The following ACIN1 variants were observed in gnomAD, a reference collection of about 807,000 sequenced individuals.
ACIN1 encodes apoptotic chromatin condensation inducer 1, also known as apoptotic chromatin condensation inducer in the nucleus.
Under a neutral mutation model 146.6 loss-of-function variants are expected in ACIN1, and 16 were observed. The observed-to-expected ratio is 0.11, with a 90% CI of 0.07 to 0.17. The LOEUF is 0.17. ACIN1 is among the 10% of genes least tolerant of loss of function. The pLI is 1.00. For synonymous variants in ACIN1, 569 were observed against 582.7 expected (o/e 0.98, Z 0.34); for missense variants, 1,357 against 1,609.3 (o/e 0.84, Z 2.68).
intron 16 of ACIN1, 92 bp from the exon 17 acceptor site, chr14:23,061,714 C>CT: frequency 8.3e-7 from 1 of 1,200,260 alleles, no homozygotes; most frequent in Non-Finnish European, 1.1e-6. Context: ...TGGCTCACGC[C>CT]TGTAATCCCA....
rs767190610 is a variant in ACIN1 at position 23,069,339 on chromosome 14, C to T, written c.2265+137G>A. The stretch of plus-strand genomic sequence containing the variant: ...GCTAAACCAGCGAATTCTCCCTTGG[C>T]CCTATTCTGATCCAAGTCCCTGCCT... On this transcript the variant is annotated intron_variant, in intron 9 of 18. Coordinates refer to ENST00000605057, the MANE Select transcript of ACIN1 (RefSeq NM_001386863.1). 311 of 1,446,322 alleles carry T rather than the reference C, an allele frequency of 2.2e-4. 1 individual carries two copies. Among genetic ancestry groups the T allele is most frequent in the Non-Finnish European group, 2.7e-4 (293 of 1,104,142 alleles). The allele number at this position is 1,446,322 out of a possible 1,614,324, so 89.6% of individuals were successfully genotyped here. A position where few individuals can be genotyped will look rare whatever the true frequency, so the allele number is the denominator to read the frequency against.
intron 7 of ACIN1, among the ~76,000 whole-genome samples, chr14:23,078,547 C>T (rs2047858997): frequency 6.6e-6 from 1 of 152,036 alleles, no homozygotes; most frequent in Non-Finnish European, 1.5e-5. Context: ...TTTGAGAGAA[C>T]TGAGAAAAGG....
At position 23,078,213 on chromosome 14, in the gene ACIN1, C is replaced by A. The variant is rs2047850159; in HGVS notation, c.2061G>T (p.Gln687His). ...AGGTCTGAGTCTCTGAGGTTTGGGG[C>A]TGTGTGGCAGCTGGTGGCTCTGCCT... is the stretch of plus-strand genomic sequence containing the variant. ...AEEAEPPAAT[Q>H]PQTSETQTSH... is the part of the protein sequence containing the mutation. The change falls in exon 8 of 19, where the codon CAG (glutamine) becomes CAT (histidine). Residue 687 changes from glutamine (Q) to histidine (H), a missense_variant. This residue lies in a region of ACIN1 where 771 missense variants were observed against 746.6 expected (regional missense o/e 1.03). Coordinates refer to ENST00000605057, the MANE Select transcript of ACIN1 (RefSeq NM_001386863.1). The A allele has an allele frequency of 6.2e-7, 1 of 1,614,196 alleles. No homozygotes were observed. The highest frequency in any genetic ancestry group is 8.5e-7 in the Non-Finnish European group (1 of 1,180,024).
At chr14:23,094,457 C>G (rs767673371) in intron 1 of ACIN1, 9 of 985,150 alleles carry the variant, frequency 9.1e-6, no homozygotes, top group Non-Finnish European at 9.6e-6. Context: ...TCTCTCTCAT[C>G]AAGTCCCTTC....
Position 23,059,038 on chromosome 14 carries a change from T to C in ACIN1, c.*110A>G. 1.0e-6 allele frequency: 1 copy of C among 983,840 alleles called. No individual in the cohort carries two copies. Among genetic ancestry groups the C allele is most frequent in the Non-Finnish European group, 1.5e-6 (1 of 648,010 alleles). The allele number at this position is 983,840 out of a possible 1,614,324, so 60.9% of individuals were successfully genotyped here. ...CATTTGGTATGTATGTAGGGATAGG[T>C]GATGTGAAAGACCCTTGGCTCCAGG... On this transcript the variant is annotated 3_prime_UTR_variant, in exon 19 of 19. Transcript: ENST00000605057.
chr14:23,094,813 C>A, intron 1 of ACIN1, 162 bp downstream of exon 1: 2 of 1,106,212 alleles, frequency 1.8e-6, no homozygotes, highest in South Asian at 3.2e-5. Flanking sequence ...ATCTCCATTC[C>A]AGCGCGAACC....
Position 23,068,474 on chromosome 14 carries a change from G to A in ACIN1, c.2265+1002C>T. On this transcript the variant is annotated intron_variant, in intron 9 of 18. Transcript: ENST00000605057. The surrounding 1 kb of genome is among the most constrained non-coding windows in gnomAD (Gnocchi z 4.3). ...TGTTCTTCTTGGCCCCCTGATGTAAGCAAGACAGGGAGGCAAAAGGGGGCC... is the reference window on the plus strand; with the variant it reads ...TGTTCTTCTTGGCCCCCTGATGTAAACAAGACAGGGAGGCAAAAGGGGGCC... 9 of 985,884 alleles carry A rather than the reference G, an allele frequency of 9.1e-6. No homozygotes were observed. The highest frequency in any genetic ancestry group is 1.1e-5 in the Non-Finnish European group (9 of 829,954). The allele number at this position is 985,884 out of a possible 1,614,324, so 61.1% of individuals were successfully genotyped here.
chr14:23,071,205 C>G, intron 8 of ACIN1: 1 of 1,513,986 alleles, frequency 6.6e-7, no homozygotes, highest in Non-Finnish European at 8.8e-7. Flanking sequence ...GAAGAAATAA[C>G]AAAAACCAAA....
chr14:23,080,143 T>G lies in ACIN1; in HGVS notation c.1192A>C (p.Asn398His). The change falls in exon 6 of 19, where the codon AAT becomes CAT. Residue 398 changes from asparagine to histidine, a missense_variant. Around this residue, in one of 4 missense-constraint regions of ACIN1, gnomAD observed 771 missense variants for 746.6 expected, o/e 1.03. Coordinates refer to ENST00000605057, the MANE Select transcript of ACIN1 (RefSeq NM_001386863.1). Reference protein sequence around the residue: ...PAVLIQLSPPNTDADTRELLV... With the variant: ...PAVLIQLSPPHTDADTRELLV... ...AGCTCCCTGGTGTCAGCATCTGTAT[T>G]AGGAGGAGATAACTGAATGAGGACA... 1 of 1,614,132 alleles carries G rather than the reference T, an allele frequency of 6.2e-7. No individual in the cohort carries two copies. Among genetic ancestry groups the G allele is most frequent in the South Asian group, 1.1e-5 (1 of 91,080 alleles).
chr14:23,068,487 G>A lies in ACIN1; in HGVS notation c.2265+989C>T. On this transcript the variant is annotated intron_variant, in intron 9 of 18. Transcript: ENST00000605057. This position sits in a 1 kb window ranked among gnomAD's most constrained non-coding sequence, Gnocchi z 4.3. Reference sequence around the variant, plus strand: ...CCCCTGATGTAAGCAAGACAGGGAGGCAAAAGGGGGCCCATCACAGGAGCC... The same window carrying A: ...CCCCTGATGTAAGCAAGACAGGGAGACAAAAGGGGGCCCATCACAGGAGCC... The A allele has an allele frequency of 2.0e-6, 2 of 985,876 alleles. No individual in the cohort carries two copies. Among genetic ancestry groups the A allele is most frequent in the Non-Finnish European group, 2.4e-6 (2 of 829,954 alleles). 61.1% of individuals were successfully genotyped at this position (985,876 alleles called of 1,614,324 possible).
In ACIN1 at chr14:23,080,675, C is replaced by T. The variant is rs760739020; in HGVS notation, c.660G>A (p.Glu220=). Residue 220 remains glutamate (E), a synonymous_variant, in exon 6 of 19, where the codon GAG becomes GAA. Coordinates refer to ENST00000605057, the MANE Select transcript of ACIN1 (RefSeq NM_001386863.1). ...CCTCTTCTTCATCATCTTCTTCCTC[C>T]TCCTCCTCCTCCTCTTCTTCCTCCT... is the stretch of plus-strand genomic sequence containing the variant. ...KTEEEEEEEE[E]EEEDDEEEEG... is the part of the protein sequence containing the mutation. 2 of 1,604,692 alleles carry T rather than the reference C, an allele frequency of 1.2e-6. No individual in the cohort carries two copies. Among genetic ancestry groups the T allele is most frequent in the Non-Finnish European group, 1.7e-6 (2 of 1,172,512 alleles).
At chr14:23,062,906 G>C (rs1165880598) in intron 14 of ACIN1, 23 bp downstream of exon 14, 2 of 1,591,262 alleles carry the variant, frequency 1.3e-6, no homozygotes, top group Non-Finnish European at 1.7e-6. Flanking sequence ...AGCAAGCTGG[G>C]ATGGTGAGAA....
In ACIN1 at chr14:23,062,447, A is replaced by G. The variant is rs762651516; in HGVS notation, c.2960T>C (p.Ile987Thr). ...TGTLVEEAFW[I>T]DKIKSHCFVT... ...AAAGCAATGAGATTTGATCTTGTCAATCCAGAAGGCCTCTTCCACCAAGGT... is the reference window on the plus strand; with the variant it reads ...AAAGCAATGAGATTTGATCTTGTCAGTCCAGAAGGCCTCTTCCACCAAGGT... The change falls in exon 15 of 19, where the codon ATT (isoleucine) becomes ACT (threonine). Residue 987 changes from isoleucine to threonine, a missense_variant. By Grantham distance (89) the Ile-to-Thr change is moderately conservative. Coordinates refer to ENST00000605057, the MANE Select transcript of ACIN1 (RefSeq NM_001386863.1). 1.9e-6 allele frequency: 3 copies of G among 1,614,210 alleles called. No individual in the cohort carries two copies. Among genetic ancestry groups the G allele is most frequent in the African/African-American group, 1.3e-5 (1 of 75,052 alleles).
chr14:23,091,603 C>CAAAAAAAAA, intron 2 of ACIN1, among the ~76,000 whole-genome samples: 1 of 147,452 alleles, frequency 6.8e-6, no homozygotes, highest in African/African-American at 2.5e-5. Flanking sequence ...TCCAAAAGAT[C>CAAAAAAAAA]AACCGTTACC....
chr14:23,063,075 C>A lies in ACIN1; in HGVS notation c.2738-1G>T. 1.9e-6 allele frequency: 3 copies of A among 1,604,582 alleles called. No individual in the cohort carries two copies. Among genetic ancestry groups the A allele is most frequent in the Non-Finnish European group, 2.5e-6 (3 of 1,176,782 alleles). Reference sequence around the variant, plus strand: ...CGAGTTAAGGTATCTCCTAAAGTCACTATCAAGAAGACCACAAGAACAGCT... The same window carrying A: ...CGAGTTAAGGTATCTCCTAAAGTCAATATCAAGAAGACCACAAGAACAGCT... On this transcript the variant is annotated splice_acceptor_variant, in intron 13 of 18. Transcript: ENST00000605057. LOFTEE classifies it high-confidence loss of function.
intron 4 of ACIN1, among the ~76,000 whole-genome samples, chr14:23,085,341 CAACAACAACAAG>C (rs1370009607): frequency 1.3e-5 from 2 of 151,964 alleles, no homozygotes; most frequent in African/African-American, 2.4e-5. Flanking sequence ...TCTCAAAAAA[CAACAACAACAAG>C]AACAACAACA....
intron 4 of ACIN1, among the ~76,000 whole-genome samples, chr14:23,084,238 T>C (rs181676866): frequency 3.3e-5 from 5 of 152,146 alleles, no homozygotes; most frequent in Admixed American, 6.5e-5. Flanking sequence ...TAAGCCACCA[T>C]GCCCGGCCTT....
At chr14:23,070,382 G>A (rs920894053) in intron 8 of ACIN1, among the ~76,000 whole-genome samples, 5 of 151,750 alleles carry the variant, frequency 3.3e-5, no homozygotes, top group South Asian at 2.1e-4. Flanking sequence ...TCCTACATTC[G>A]GCTTTCACCC....
chr14:23,092,343 T>C (rs879888396), intron 2 of ACIN1, among the ~76,000 whole-genome samples: 5 of 151,376 alleles, frequency 3.3e-5, no homozygotes, highest in Non-Finnish European at 7.4e-5. Context: ...GGGTTGCATG[T>C]GTATTACAGA....
Sources: allele counts gnomAD v4.1 joint callset (sites outside exome capture counted in the v4.1 genomes callset), GRCh38; gene constraint gnomAD v4.1.1; regional missense constraint gnomAD v4.1.1; non-coding constraint Gnocchi (gnomAD v3.1); transcripts MANE v1.5; gene names NCBI Gene and HGNC (gene_info 2026-07-23, HGNC 2026-07-21).